Variants in NBAS observed in about 807,000 individuals in gnomAD.
NBAS encodes NBAS subunit of NRZ tethering complex.
A neutral mutation model predicts 302.5 loss-of-function variants in NBAS; 219 were observed. That is an observed-to-expected ratio of 0.72 (90% CI 0.65 to 0.81). NBAS has a LOEUF of 0.81. Ranked by LOEUF, NBAS falls within the 30% of genes least tolerant of loss-of-function variation. The pLI, the probability that NBAS is intolerant of heterozygous loss-of-function variation, is 0.00. For synonymous variants in NBAS, 1,118 were observed against 1,021.6 expected (o/e 1.09, Z -1.80); for missense variants, 2,932 against 2,841.6 (o/e 1.03, Z -0.72).
At chr2:15,468,331 A>G in intron 17 of NBAS, 51 bp downstream of exon 17, 1 of 1,606,360 alleles carries the variant, frequency 6.2e-7, no homozygotes, top group Non-Finnish European at 8.5e-7. Flanking sequence ...TCAGTACAAA[A>G]GTTTTCACAA....
chr2:15,551,655 A>G, intron 5 of NBAS, 119 bp from the exon 6 acceptor site: 1 of 683,588 alleles, frequency 1.5e-6, no homozygotes, highest in Non-Finnish European at 2.5e-6. Context: ...ATCTCCTCTC[A>G]GACATGGTTT....
the NBAS span, among the ~76,000 whole-genome samples, chr2:14,799,898 G>A: frequency 1.3e-5 from 2 of 152,146 alleles, no homozygotes; most frequent in Non-Finnish European, 1.5e-5. Flanking sequence ...TTTAGTGATA[G>A]TATGGATTAT....
intron 9 of NBAS, among the ~76,000 whole-genome samples, chr2:15,526,190 G>A (rs1303152816): frequency 6.6e-6 from 1 of 152,144 alleles, no homozygotes; most frequent in African/African-American, 2.4e-5. Flanking sequence ...AAGCAAGACT[G>A]GAATGAGATA....
At chr2:15,180,058 C>A (rs116121359) in intron 50 of NBAS, 9 of 152,138 alleles carry the variant, frequency 5.9e-5, no homozygotes, top group African/African-American at 1.9e-4. Context: ...TTGCTATCCA[C>A]GGGATTGATT....
At chr2:14,879,978 G>A in the NBAS span, among the ~76,000 whole-genome samples, 1 of 152,078 alleles carries the variant, frequency 6.6e-6, no homozygotes, top group African/African-American at 2.4e-5. Flanking sequence ...AAAATACAGA[G>A]GCATAAAGGA....
chr2:14,925,271 T>C, the NBAS span, among the ~76,000 whole-genome samples: 1 of 152,176 alleles, frequency 6.6e-6, no homozygotes, highest in East Asian at 1.9e-4. Context: ...TATCATCTCA[T>C]GCGCAATTTC....
chr2:14,811,620 T>C, the NBAS span, among the ~76,000 whole-genome samples: 76,835 of 151,692 alleles, frequency 0.51, 21,430 homozygotes, highest in African/African-American at 0.76. Context: ...ATATCTAGTC[T>C]GAATGTCAAT....
intron 35 of NBAS, among the ~76,000 whole-genome samples, chr2:15,347,002 G>T (rs1372552266): frequency 2.0e-5 from 3 of 152,150 alleles, no homozygotes; most frequent in African/African-American, 7.2e-5. Flanking sequence ...GGCCTGTTGA[G>T]GGGTTGCGGG....
At chr2:14,794,796 GCTTT>G in the NBAS span, among the ~76,000 whole-genome samples, 1 of 151,994 alleles carries the variant, frequency 6.6e-6, no homozygotes, top group Non-Finnish European at 1.5e-5. Flanking sequence ...AAATTGATCT[GCTTT>G]CTGTCACTCC....
chr2:15,369,351 T>C (rs930582481), intron 31 of NBAS, among the ~76,000 whole-genome samples: 4 of 152,174 alleles, frequency 2.6e-5, no homozygotes, highest in Non-Finnish European at 4.4e-5. Flanking sequence ...CAATGGATCA[T>C]GATTTTCTCT....
At chr2:15,309,269 T>C (rs1671172637) in intron 38 of NBAS, 22 bp from the exon 39 acceptor site, 1 of 1,592,032 alleles carries the variant, frequency 6.3e-7, no homozygotes, top group Non-Finnish European at 8.6e-7. Flanking sequence ...AAAAGAAACA[T>C]TATTTTACTG....
rs144146449 is a variant in NBAS, at chr2:15,280,526, T to C, written c.5139-3425A>G. On this transcript the variant is annotated intron_variant, in intron 42 of 51. Transcript: ENST00000281513. ...TAACCCTCTGCAAAAGGTCTAATTA[T>C]TCCTATTATCTGAAGGAAGCTGAGG... Among the ~76,000 whole-genome samples, 4 of 152,298 alleles carry C rather than the reference T, an allele frequency of 2.6e-5. No individual in the cohort carries two copies. The East Asian group carries it at 7.7e-4, about 29-fold the overall frequency.
intron 9 of NBAS, among the ~76,000 whole-genome samples, chr2:15,529,910 G>A (rs1329806171): frequency 1.3e-5 from 2 of 152,052 alleles, no homozygotes; most frequent in Non-Finnish European, 2.9e-5. Context: ...AAAGTGTTTT[G>A]TTAAAATAAA....
intron 38 of NBAS, among the ~76,000 whole-genome samples, chr2:15,316,634 T>A (rs1428132035): frequency 6.6e-6 from 1 of 152,170 alleles, no homozygotes; most frequent in East Asian, 1.9e-4. Flanking sequence ...AGCGCAGCAG[T>A]CTGAGCTAGA....
At chr2:15,056,302 G>A in the NBAS span, among the ~76,000 whole-genome samples, 1 of 152,154 alleles carries the variant, frequency 6.6e-6, no homozygotes, top group Non-Finnish European at 1.5e-5. Flanking sequence ...TGTATATTGT[G>A]GTTATGCGGA....
rs1255420588 is a variant in NBAS at position 15,218,941 on chromosome 2, C to A, written c.6264G>T (p.Leu2088=). The A allele has an allele frequency of 1.2e-6, 2 of 1,614,148 alleles. No individual in the cohort carries two copies. The highest frequency in any genetic ancestry group is 2.7e-5 in the African/African-American group (2 of 74,954). Residue 2088 remains leucine, a synonymous_variant, in exon 48 of 52, where the codon CTG becomes CTT. Transcript: ENST00000281513. Reference sequence around the variant, plus strand: ...CACAGAAAGGCCGCAGCCACTCCAGCAGGTCCTCAGGTGAAACCAGCTCCT... The same window carrying A: ...CACAGAAAGGCCGCAGCCACTCCAGAAGGTCCTCAGGTGAAACCAGCTCCT... ...KGEELVSPED[L]LEWLRPFCAD... is the part of the protein sequence containing the mutation.
chr2:15,203,870 CTGTGTG>C (rs139907737), intron 48 of NBAS, among the ~76,000 whole-genome samples: 3 of 128,120 alleles, frequency 2.3e-5, no homozygotes, highest in Non-Finnish European at 3.4e-5. Flanking sequence ...GTGTCTGTGT[CTGTGTG>C]TGTGTGTGTG....
chr2:15,551,445 A>C, intron 6 of NBAS, 48 bp downstream of exon 6: 174 of 1,113,738 alleles, frequency 1.6e-4, no homozygotes, highest in Non-Finnish European at 2.1e-4. Flanking sequence ...ATTGGAAACC[A>C]TTGCGCATTT....
intron 26 of NBAS, among the ~76,000 whole-genome samples, chr2:15,399,508 G>C (rs1676043729): frequency 6.7e-6 from 1 of 149,150 alleles, no homozygotes. Context: ...AGTTCTCAGA[G>C]ACACACTTGC....
Sources: allele counts gnomAD v4.1 joint callset (sites outside exome capture counted in the v4.1 genomes callset), GRCh38; gene constraint gnomAD v4.1.1; transcripts MANE v1.5; gene names NCBI Gene and HGNC (gene_info 2026-07-23, HGNC 2026-07-21).